Variants in WDFY4 observed in about 807,000 individuals in gnomAD.
WDFY4 encodes WDFY family member 4.
Under a neutral mutation model 351.9 loss-of-function variants are expected in WDFY4, and 169 were observed. The observed-to-expected ratio is 0.48, with a 90% CI of 0.42 to 0.55. The LOEUF (loss-of-function observed/expected upper bound fraction) is 0.55, where lower values mean the gene tolerates loss of function less well. Among genes scored for constraint, WDFY4 ranks in the 20% least tolerant of loss-of-function variants. The pLI is 0.00. For synonymous variants in WDFY4, 1,622 were observed against 1,574.6 expected (o/e 1.03, Z -0.71); for missense variants, 3,803 against 3,935.6 (o/e 0.97, Z 0.90).
intron 47 of WDFY4, among the ~76,000 whole-genome samples, chr10:48,902,831 C>T (rs1202844027): frequency 6.6e-6 from 1 of 152,038 alleles, no homozygotes; most frequent in African/African-American, 2.4e-5. Flanking sequence ...AATACTTGGC[C>T]GGGCGTGGTG....
intron 38 of WDFY4, among the ~76,000 whole-genome samples, chr10:48,832,112 C>T (rs1409669719): frequency 1.3e-5 from 2 of 152,226 alleles, no homozygotes; most frequent in African/African-American, 4.8e-5. Context: ...TATCCATGCA[C>T]ATAGAGTGGA....
Position 48,913,666 on chromosome 10 carries a change from A to G in WDFY4, c.7586+11803A>G, listed in dbSNP as rs763750190. On this transcript the variant is annotated intron_variant, in intron 47 of 61. Transcript: ENST00000325239. Reference sequence around the variant, plus strand: ...AGCTTTTTCAGCTTGGGGAGCTTGGAGATGCTCACGGGGATGTTGTTCAGT... The same window carrying G: ...AGCTTTTTCAGCTTGGGGAGCTTGGGGATGCTCACGGGGATGTTGTTCAGT... 42 of 1,613,442 alleles carry G rather than the reference A, an allele frequency of 2.6e-5. No homozygotes were observed. The highest frequency in any genetic ancestry group is 3.6e-5 in the Non-Finnish European group (42 of 1,179,696).
chr10:48,809,999 A>T (rs538327083), intron 28 of WDFY4, among the ~76,000 whole-genome samples: 2 of 152,344 alleles, frequency 1.3e-5, no homozygotes, highest in Non-Finnish European at 2.9e-5. Context: ...CCCATCAGCA[A>T]GTCTGTATTC....
intron 44 of WDFY4, among the ~76,000 whole-genome samples, chr10:48,892,195 A>G (rs998858221): frequency 3.9e-5 from 6 of 152,220 alleles, no homozygotes; most frequent in African/African-American, 1.4e-4. Context: ...GTGATGACTC[A>G]CATAATCCAC....
chr10:48,849,623 C>T (rs568911474), intron 39 of WDFY4, among the ~76,000 whole-genome samples: 2 of 152,296 alleles, frequency 1.3e-5, no homozygotes, highest in South Asian at 2.1e-4. Flanking sequence ...GGTGAATTCC[C>T]ATTGTGATTT....
At chr10:48,849,513 G>C (rs1396140689) in intron 39 of WDFY4, among the ~76,000 whole-genome samples, 1 of 152,200 alleles carries the variant, frequency 6.6e-6, no homozygotes, top group Non-Finnish European at 1.5e-5. Context: ...ACAACGAGCT[G>C]TTGACAGCCA....
chr10:48,718,386 A>G (rs965084719), intron 2 of WDFY4, among the ~76,000 whole-genome samples: 1 of 152,226 alleles, frequency 6.6e-6, no homozygotes, highest in Non-Finnish European at 1.5e-5. Context: ...GCATAATGCT[A>G]CAGCAAGACA....
In WDFY4 at chr10:48,830,744, C is replaced by G. The variant is rs1565248872; in HGVS notation, c.6385C>G (p.Leu2129Val). The G allele has an allele frequency of 6.4e-7, 1 of 1,551,676 alleles. No homozygotes were observed. Among genetic ancestry groups the G allele is most frequent in the Admixed American group, 2.0e-5 (1 of 51,012 alleles). Reference sequence around the variant, plus strand: ...GACAGTGCAGACTCTCTGGCAGCAGCTGGTGGCACAAAGGCAGCAGACCCT... The same window carrying G: ...GACAGTGCAGACTCTCTGGCAGCAGGTGGTGGCACAAAGGCAGCAGACCCT... The part of the protein sequence containing the change: ...QKTVQTLWQQ[L>V]VAQRQQTLED... The change falls in exon 38 of 62, where the codon CTG becomes GTG. Residue 2129 changes from leucine (L) to valine (V), a missense_variant. Coordinates refer to ENST00000325239, the MANE Select transcript of WDFY4 (RefSeq NM_001394531.1).
At chr10:48,947,997 C>T (rs1004554657) in intron 51 of WDFY4, among the ~76,000 whole-genome samples, 4 of 152,124 alleles carry the variant, frequency 2.6e-5, no homozygotes, top group African/African-American at 9.7e-5. Context: ...ACTGACCTCA[C>T]CTGTGAGGTC....
In WDFY4 at chr10:48,729,427, C is replaced by A. The variant is rs1438669445; in HGVS notation, c.972-5C>A. 1 of 1,550,522 alleles carries A rather than the reference C, an allele frequency of 6.4e-7. No homozygotes were observed. On this transcript the variant is annotated splice_polypyrimidine_tract_variant and splice_region_variant and intron_variant, in intron 7 of 61. Transcript: ENST00000325239. ...ACAGGGAGCTGGCCTCATCTGTTCC[C>A]CCAGGTATGATGGGCTGACCCAGAG...
chr10:48,765,017 A>C (rs2065623782), intron 13 of WDFY4, among the ~76,000 whole-genome samples: 1 of 152,242 alleles, frequency 6.6e-6, no homozygotes, highest in Non-Finnish European at 1.5e-5. Context: ...CACAGAAAGA[A>C]GCATAAAGAT....
intron 47 of WDFY4, chr10:48,913,823 G>C: frequency 6.2e-7 from 1 of 1,614,086 alleles, no homozygotes; most frequent in Non-Finnish European, 8.5e-7. Flanking sequence ...CGGGCAGCCC[G>C]TTGCTGGTCA....
At chr10:48,890,033 G>A (rs771582038) in intron 43 of WDFY4, among the ~76,000 whole-genome samples, 1 of 152,190 alleles carries the variant, frequency 6.6e-6, no homozygotes, top group Non-Finnish European at 1.5e-5. Flanking sequence ...TGCTCACCTC[G>A]GTCCAAGAGG....
chr10:48,791,515 GA>G (rs2066679192), intron 23 of WDFY4, among the ~76,000 whole-genome samples: 1 of 152,204 alleles, frequency 6.6e-6, no homozygotes, highest in South Asian at 2.1e-4. Flanking sequence ...GCAGGGTTGT[GA>G]TGACTGTGTT....
At chr10:48,842,414 C>T (rs190128618) in intron 39 of WDFY4, among the ~76,000 whole-genome samples, 5 of 152,218 alleles carry the variant, frequency 3.3e-5, no homozygotes, top group Admixed American at 3.3e-4. Flanking sequence ...AGACAGCAGT[C>T]GCCAGGTGTG....
chr10:48,748,956 T>C (rs1310782319), intron 12 of WDFY4, among the ~76,000 whole-genome samples: 1 of 152,072 alleles, frequency 6.6e-6, no homozygotes, highest in Non-Finnish European at 1.5e-5. Context: ...GCCTGCTTGT[T>C]CTATGCCTTG....
At position 48,826,148 on chromosome 10, in the gene WDFY4, G is replaced by T. The variant is rs143804751; in HGVS notation, c.5983-523G>T. On this transcript the variant is annotated intron_variant, in intron 35 of 61. Coordinates refer to ENST00000325239, the MANE Select transcript of WDFY4 (RefSeq NM_001394531.1). ...AATTTTCATATAAGGTATAACGAAG[G>T]GGTCCAGTTTCGATTTTCTGTGTAC... Among the ~76,000 whole-genome samples the T allele has an allele frequency of 3.3e-5, 5 of 152,282 alleles. No individual in the cohort carries two copies. The East Asian group carries it at 9.6e-4, about 29-fold the overall frequency.
intron 47 of WDFY4, among the ~76,000 whole-genome samples, chr10:48,924,285 G>C (rs1839383356): frequency 6.6e-6 from 1 of 152,136 alleles, no homozygotes; most frequent in East Asian, 1.9e-4. Flanking sequence ...TGTGGCTCAG[G>C]GTCCATCCTG....
intron 47 of WDFY4, among the ~76,000 whole-genome samples, chr10:48,928,661 C>T (rs1839792509): frequency 6.6e-6 from 1 of 152,194 alleles, no homozygotes; most frequent in African/African-American, 2.4e-5. Flanking sequence ...ATTCTTTCTG[C>T]ACTTCACACC....
Sources: gnomAD v4.1 joint callset for allele counts (sites outside exome capture counted in the v4.1 genomes callset) on GRCh38, gnomAD v4.1.1 for gene constraint, MANE v1.5 for transcripts, NCBI Gene and HGNC (gene_info 2026-07-23, HGNC 2026-07-21) for gene names.